The following HMCN2 variants were observed in gnomAD, a reference collection of about 807,000 sequenced individuals.
HMCN2 encodes hemicentin 2.
A neutral mutation model predicts 377.5 loss-of-function variants in HMCN2; 325 were observed. That is an observed-to-expected ratio of 0.86 (90% CI 0.79 to 0.94). The LOEUF is 0.94. Among genes scored for constraint, HMCN2 ranks in the 40% least tolerant of loss-of-function variants. The pLI, the probability that HMCN2 is intolerant of heterozygous loss-of-function variation, is 0.00. For missense variants in HMCN2, 4,543 were observed against 4,725.3 expected (o/e 0.96, Z 1.13); for synonymous variants, 2,007 against 2,046.8 (o/e 0.98, Z 0.53).
At chr9:130,318,922 G>A (rs1326067460) in intron 15 of HMCN2, among the ~76,000 whole-genome samples, 1 of 152,362 alleles carries the variant, frequency 6.6e-6, no homozygotes, top group African/African-American at 2.4e-5. Context: ...GTTTGCGGGG[G>A]CGGCAATAGA....
In HMCN2 at chr9:130,425,744, C is replaced by T. The variant is rs1844305863; in HGVS notation, c.13699C>T (p.Gln4567Ter). The T allele has an allele frequency of 6.5e-7, 1 of 1,550,300 alleles. No individual in the cohort carries two copies. Among genetic ancestry groups the T allele is most frequent in the African/African-American group, 1.4e-5 (1 of 72,984 alleles). Residue 4567 changes from glutamine (Q) to a stop codon, truncating the protein, a stop_gained, in exon 90 of 98, where the codon CAG becomes TAG. Coordinates refer to ENST00000683500, the MANE Select transcript of HMCN2 (RefSeq NM_001291815.2). LOFTEE classifies it high-confidence loss of function. ...TGGCCAGCTGTTCGTGGGCTCCACACAGCGCTTCTTCCAGGGCGGCCTCCC... is the reference window on the plus strand; with the variant it reads ...TGGCCAGCTGTTCGTGGGCTCCACATAGCGCTTCTTCCAGGGCGGCCTCCC... ...GPGQLFVGST[Q>*]RFFQGGLPSF...
chr9:130,370,336 T>G lies in HMCN2; in HGVS notation c.7069+485T>G, dbSNP rs55849929. On this transcript the variant is annotated intron_variant, in intron 45 of 97. Coordinates refer to ENST00000683500, the MANE Select transcript of HMCN2 (RefSeq NM_001291815.2). ...AAGCACGTGCCAGGCAGAGGGTGGC[T>G]GGGGCAGCCTCATGCATTCCATCAT... 2.5e-3 allele frequency among the ~76,000 whole-genome samples: 383 copies of G among 151,980 alleles called. 1 individual carries two copies. The highest frequency in any genetic ancestry group is 6.6e-3 in the Admixed American group (101 of 15,284).
In HMCN2 at chr9:130,360,744, C is replaced by A; in HGVS notation, c.5950+140C>A. The stretch of plus-strand genomic sequence containing the variant: ...ATCCGTTACCCCATCCATCCATCAT[C>A]CATCCAACCATCCATCCATCCATCC... On this transcript the variant is annotated intron_variant, in intron 38 of 97. Transcript: ENST00000683500. This position sits in a 1 kb window ranked among gnomAD's most constrained non-coding sequence, Gnocchi z 4.7. The A allele has an allele frequency of 2.9e-6, 1 of 347,294 alleles. No individual in the cohort carries two copies. The highest frequency in any genetic ancestry group is 5.3e-6 in the Non-Finnish European group (1 of 189,558). The allele number at this position is 347,294 out of a possible 1,614,324, so 21.5% of individuals were successfully genotyped here. A position where few individuals can be genotyped will look rare whatever the true frequency, so the allele number is the denominator to read the frequency against.
At chr9:130,420,297 A>C (rs1212651483) in intron 86 of HMCN2, among the ~76,000 whole-genome samples, 1 of 151,740 alleles carries the variant, frequency 6.6e-6, no homozygotes, top group Non-Finnish European at 1.5e-5. Flanking sequence ...GATGGTGTCT[A>C]TCTCCTGACC....
chr9:130,396,407 T>G (rs1564853059), intron 73 of HMCN2, 94 bp downstream of exon 73: 4 of 1,069,900 alleles, frequency 3.7e-6, no homozygotes, highest in Non-Finnish European at 4.9e-6. Context: ...AGCAGAAAAG[T>G]GACTTTATCA....
chr9:130,358,328 T>TG, intron 35 of HMCN2, 62 bp from the exon 36 acceptor site: 1 of 1,300,180 alleles, frequency 7.7e-7, no homozygotes, highest in Non-Finnish European at 1.0e-6. Context: ...GCCTGGCCAC[T>TG]CGCCATGTCC....
At chr9:130,279,817 G>A (rs1835013415) in intron 1 of HMCN2, among the ~76,000 whole-genome samples, 1 of 152,226 alleles carries the variant, frequency 6.6e-6, no homozygotes, top group Non-Finnish European at 1.5e-5. Flanking sequence ...GACCTGCCAT[G>A]GTGAAAGGGA....
rs115520445 is a variant in HMCN2 at position 130,426,536 on chromosome 9, G to A, written c.13879+612G>A. On this transcript the variant is annotated intron_variant, in intron 90 of 97. Transcript: ENST00000683500. ...TTCAGTGTTCCCATCTGCACCGCGG[G>A]CATGACATCGCCTGCCTTGCAGGGT... 5.0e-3 allele frequency among the ~76,000 whole-genome samples: 768 copies of A among 152,234 alleles called. 9 individuals are homozygous for A. The highest frequency in any genetic ancestry group is 0.018 in the African/African-American group (749 of 41,548).
chr9:130,373,828 G>A (rs1841217774), intron 48 of HMCN2, among the ~76,000 whole-genome samples: 3 of 148,930 alleles, frequency 2.0e-5, no homozygotes, highest in Admixed American at 2.0e-4. Context: ...TAGATGAATG[G>A]GTGGATGAAT....
chr9:130,375,508 T>C (rs1841325973), intron 49 of HMCN2, 55 bp from the exon 50 acceptor site: 9 of 955,596 alleles, frequency 9.4e-6, no homozygotes, highest in Non-Finnish European at 1.1e-5. Flanking sequence ...TCCTGGTCCT[T>C]AGTCTAGGGT....
intron 35 of HMCN2, 46 bp downstream of exon 35, chr9:130,358,034 G>A (rs150893092): frequency 7.8e-7 from 1 of 1,281,352 alleles, no homozygotes; most frequent in African/African-American, 1.5e-5. Flanking sequence ...GGGCACAGGT[G>A]GAGGGGCTGC....
intron 31 of HMCN2, among the ~76,000 whole-genome samples, 194 bp from the exon 32 acceptor site, chr9:130,354,569 C>T (rs1357284977): frequency 5.3e-5 from 8 of 152,104 alleles, no homozygotes; most frequent in Admixed American, 3.3e-4. Flanking sequence ...GGTGGGGTGG[C>T]GCGCCCAGGG....
intron 4 of HMCN2, among the ~76,000 whole-genome samples, chr9:130,292,770 A>G (rs908542609): frequency 6.6e-6 from 1 of 152,148 alleles, no homozygotes; most frequent in Non-Finnish European, 1.5e-5. Context: ...GTCTTTGAGA[A>G]CTTCTTTGTT....
chr9:130,373,633 ATG>A (rs1405663829), intron 48 of HMCN2, among the ~76,000 whole-genome samples: 1 of 138,662 alleles, frequency 7.2e-6, no homozygotes, highest in Non-Finnish European at 1.6e-5. Context: ...GGATGGATGG[ATG>A]GATGAATGGA....
chr9:130,397,585 C>T lies in HMCN2; in HGVS notation c.11256C>T (p.Ala3752=), dbSNP rs907133400. ...TCCAGCCAGTCCTTGCCCAGGACGCCGGCCACTACCTCTGCCTGGCATCCA... is the reference window on the plus strand; with the variant it reads ...TCCAGCCAGTCCTTGCCCAGGACGCTGGCCACTACCTCTGCCTGGCATCCA... ...LRIQPVLAQD[A]GHYLCLASNS... The change falls in exon 74 of 98, where the codon GCC becomes GCT. Residue 3752 remains alanine, a synonymous_variant. Transcript: ENST00000683500. 26 of 1,289,666 alleles carry T rather than the reference C, an allele frequency of 2.0e-5. No homozygotes were observed. The highest frequency in any genetic ancestry group is 1.1e-4 in the East Asian group (2 of 18,026). The allele number at this position is 1,289,666 out of a possible 1,614,324, so 79.9% of individuals were successfully genotyped here.
At position 130,360,663 on chromosome 9, in the gene HMCN2, G is replaced by A; in HGVS notation, c.5950+59G>A. The A allele has an allele frequency of 9.1e-7, 1 of 1,093,020 alleles. No individual in the cohort carries two copies. The highest frequency in any genetic ancestry group is 1.2e-6 in the Non-Finnish European group (1 of 824,346). The allele number at this position is 1,093,020 out of a possible 1,614,324, so 67.7% of individuals were successfully genotyped here. On this transcript the variant is annotated intron_variant, in intron 38 of 97. Coordinates refer to ENST00000683500, the MANE Select transcript of HMCN2 (RefSeq NM_001291815.2). This position sits in a 1 kb window ranked among gnomAD's most constrained non-coding sequence, Gnocchi z 4.7. ...CAAAAAGTTGTCTTTTCATTCATTT[G>A]TCTATTAGTCTGTCCATCCACCTGT... is the stretch of plus-strand genomic sequence containing the variant.
rs556594006 is a variant in HMCN2 at position 130,395,069 on chromosome 9, G to A, written c.10735G>A (p.Ala3579Thr). 7.8e-7 allele frequency: 1 copy of A among 1,287,530 alleles called. No individual in the cohort carries two copies. Among genetic ancestry groups the A allele is most frequent in the African/African-American group, 1.5e-5 (1 of 65,510 alleles). The allele number at this position is 1,287,530 out of a possible 1,614,324, so 79.8% of individuals were successfully genotyped here. ...GLYTCLAESPAGAIEKSFRVR... is the reference protein window; with the variant it reads ...GLYTCLAESPTGAIEKSFRVR... ...GTACACTTGTCTGGCTGAAAGCCCT[G>A]CAGGTGCAATTGAGAAGAGCTTCCG... The change falls in exon 70 of 98, where the codon GCA becomes ACA. Residue 3579 changes from alanine to threonine, a missense_variant. This residue lies in a region of HMCN2 where 1,073 missense variants were observed against 1,319.5 expected (regional missense o/e 0.81). Coordinates refer to ENST00000683500, the MANE Select transcript of HMCN2 (RefSeq NM_001291815.2).
intron 25 of HMCN2, among the ~76,000 whole-genome samples, chr9:130,345,129 G>T (rs1292485594): frequency 8.8e-6 from 1 of 113,618 alleles, no homozygotes; most frequent in Non-Finnish European, 1.9e-5. Flanking sequence ...TGTGGTGTGT[G>T]GTGTGTGCAC....
intron 15 of HMCN2, among the ~76,000 whole-genome samples, chr9:130,319,094 G>C (rs1837713540): frequency 6.6e-6 from 1 of 152,200 alleles, no homozygotes; most frequent in Non-Finnish European, 1.5e-5. Flanking sequence ...GAGGGGTAGG[G>C]GAGGGTAGGC....
Sources: allele counts gnomAD v4.1 joint callset (sites outside exome capture counted in the v4.1 genomes callset), GRCh38; gene constraint gnomAD v4.1.1; regional missense constraint gnomAD v4.1.1; non-coding constraint Gnocchi (gnomAD v3.1); transcripts MANE v1.5; gene names NCBI Gene and HGNC (gene_info 2026-07-23, HGNC 2026-07-21).